DPYSL3: variants seen among roughly 807,000 people sequenced by gnomAD.
DPYSL3 encodes the protein dihydropyrimidinase like 3.
In DPYSL3, 16 loss-of-function variants were observed where a neutral mutation model predicts 66.1. The ratio of observed to expected loss-of-function variants is 0.24; its 90% confidence interval spans 0.16 to 0.37. DPYSL3 has a LOEUF of 0.37. Ranked by LOEUF, DPYSL3 falls within the 10% of genes least tolerant of loss-of-function variation. DPYSL3 has a pLI of 1.00. For synonymous variants in DPYSL3, 338 were observed against 345.1 expected, an observed-to-expected ratio of 0.98 and a Z score of 0.23; for missense variants, 738 against 916.2, an observed-to-expected ratio of 0.81 and a Z score of 2.51.
intron 1 of DPYSL3, among the ~76,000 whole-genome samples, chr5:147,479,936 T>C (rs955941816): frequency 6.6e-6 from 1 of 152,198 alleles, no homozygotes; most frequent in African/African-American, 2.4e-5. Flanking sequence ...GATATAGGTA[T>C]TATCCCCATT....
intron 1 of DPYSL3, among the ~76,000 whole-genome samples, chr5:147,446,327 G>C (rs556794954): frequency 3.2e-4 from 48 of 152,346 alleles, no homozygotes; most frequent in Non-Finnish European, 5.1e-4. Context: ...TCCAGGGTTC[G>C]CTTCCTTATT....
At chr5:147,468,788 A>C (rs1324731684) in intron 1 of DPYSL3, among the ~76,000 whole-genome samples, 1 of 152,102 alleles carries the variant, frequency 6.6e-6, no homozygotes, top group Non-Finnish European at 1.5e-5. Context: ...GGTTTGTTAC[A>C]TATGTATACA....
At chr5:147,481,694 T>C (rs1753246723) in intron 1 of DPYSL3, among the ~76,000 whole-genome samples, 1 of 152,206 alleles carries the variant, frequency 6.6e-6, no homozygotes, top group South Asian at 2.1e-4. Flanking sequence ...ATGGCAATTA[T>C]AAAAGAGCTT....
At position 147,393,670 on chromosome 5, in the gene DPYSL3, G is replaced by T; in HGVS notation, c.*365C>A. ...CACCCACTCACCCCAAATAACCTGC[G>T]TCCCTTTTGTTCATTTCCCTGACGT... On this transcript the variant is annotated 3_prime_UTR_variant, in exon 14 of 14. Transcript: ENST00000343218. 1 of 202,098 alleles carries T rather than the reference G, an allele frequency of 4.9e-6. No individual in the cohort carries two copies. The highest frequency in any genetic ancestry group is 1.0e-5 in the Non-Finnish European group (1 of 97,628). 12.5% of individuals were successfully genotyped at this position (202,098 alleles called of 1,614,324 possible).
intron 1 of DPYSL3, among the ~76,000 whole-genome samples, chr5:147,429,292 T>C (rs1376465493): frequency 1.3e-5 from 2 of 152,082 alleles, no homozygotes; most frequent in Non-Finnish European, 2.9e-5. Flanking sequence ...CCCAGCAGGG[T>C]TCTAGGCATA....
At chr5:147,421,954 G>A (rs1752089573) in intron 2 of DPYSL3, among the ~76,000 whole-genome samples, 1 of 152,132 alleles carries the variant, frequency 6.6e-6, no homozygotes, top group South Asian at 2.1e-4. Context: ...CATGGGCAAA[G>A]ACTTCATGAC....
chr5:147,433,660 T>C (rs1335132397), intron 1 of DPYSL3, among the ~76,000 whole-genome samples: 1 of 152,204 alleles, frequency 6.6e-6, no homozygotes, highest in Non-Finnish European at 1.5e-5. Flanking sequence ...TACATTTATA[T>C]ATCTGTAAAG....
intron 1 of DPYSL3, among the ~76,000 whole-genome samples, chr5:147,484,269 TTA>T (rs1753294058): frequency 6.6e-6 from 1 of 152,202 alleles, no homozygotes; most frequent in African/African-American, 2.4e-5. Context: ...ACCAAATGAT[TTA>T]TGTCTCGCTG....
At chr5:147,410,469 C>T (rs1374654318) in intron 6 of DPYSL3, among the ~76,000 whole-genome samples, 1 of 152,092 alleles carries the variant, frequency 6.6e-6, no homozygotes, top group Non-Finnish European at 1.5e-5. Flanking sequence ...CTGATGCTAC[C>T]TTACATGGGG....
In DPYSL3 at chr5:147,392,481, A is replaced by G. The variant is rs1757839980; in HGVS notation, c.*1554T>C. ...CTCTTCTCTTCAAAGCACTTAGTACACAGGGTTACAGGTGCTACCACTTGG... is the reference window on the plus strand; with the variant it reads ...CTCTTCTCTTCAAAGCACTTAGTACGCAGGGTTACAGGTGCTACCACTTGG... On this transcript the variant is annotated 3_prime_UTR_variant, in exon 14 of 14. Coordinates refer to ENST00000343218, the MANE Select transcript of DPYSL3 (RefSeq NM_001197294.2). 6.6e-6 allele frequency: 1 copy of G among 152,242 alleles called. No homozygotes were observed. Among genetic ancestry groups the G allele is most frequent in the African/African-American group, 2.4e-5 (1 of 41,462 alleles). The allele number at this position is 152,242 out of a possible 1,614,324, so 9.4% of individuals were successfully genotyped here.
chr5:147,398,219 C>G (rs1165409699), intron 11 of DPYSL3, among the ~76,000 whole-genome samples: 1 of 152,126 alleles, frequency 6.6e-6, no homozygotes, highest in Admixed American at 6.6e-5. Context: ...AATTAAATAA[C>G]ATGAGATGAC....
At chr5:147,506,400 AGTCATAGAT>A (rs1289411944) in intron 1 of DPYSL3, among the ~76,000 whole-genome samples, 1 of 152,194 alleles carries the variant, frequency 6.6e-6, no homozygotes, top group Non-Finnish European at 1.5e-5. Flanking sequence ...GACAATAGTA[AGTCATAGAT>A]GCATATGTTC....
intron 7 of DPYSL3, among the ~76,000 whole-genome samples, chr5:147,406,864 A>T (rs981676060): frequency 6.6e-6 from 1 of 152,156 alleles, no homozygotes; most frequent in Non-Finnish European, 1.5e-5. Context: ...CAAACCAGTC[A>T]CTGTCCATTG....
At chr5:147,492,605 G>C (rs140340206) in intron 1 of DPYSL3, among the ~76,000 whole-genome samples, 2 of 151,576 alleles carry the variant, frequency 1.3e-5, no homozygotes, top group Non-Finnish European at 2.9e-5. Flanking sequence ...TTTGAAAGTA[G>C]ACTTGGATTA....
intron 1 of DPYSL3, among the ~76,000 whole-genome samples, chr5:147,446,764 C>A (rs569062708): frequency 6.6e-6 from 1 of 152,334 alleles, no homozygotes; most frequent in South Asian, 2.1e-4. Flanking sequence ...AGACAGCTGG[C>A]AGAAGCAATG....
intron 1 of DPYSL3, among the ~76,000 whole-genome samples, chr5:147,460,690 A>G (rs1752918470): frequency 6.6e-6 from 1 of 152,210 alleles, no homozygotes; most frequent in Non-Finnish European, 1.5e-5. Context: ...AGATGCAGCC[A>G]TGAGCCAAGG....
chr5:147,457,109 T>C (rs1329029143), intron 1 of DPYSL3, among the ~76,000 whole-genome samples: 13 of 152,306 alleles, frequency 8.5e-5, no homozygotes, highest in Admixed American at 8.5e-4. Context: ...ATTATTTTTA[T>C]CAGTGTTAGT....
intron 8 of DPYSL3, among the ~76,000 whole-genome samples, chr5:147,404,043 G>A (rs1758269646): frequency 6.6e-6 from 1 of 152,190 alleles, no homozygotes. Flanking sequence ...TGAGGGCGGT[G>A]GGTGGTCACA....
intron 1 of DPYSL3, among the ~76,000 whole-genome samples, chr5:147,445,716 G>A (rs1376569706): frequency 2.6e-5 from 4 of 152,116 alleles, no homozygotes; most frequent in Admixed American, 6.6e-5. Flanking sequence ...TACAGACTCC[G>A]AGTTGTTTTT....
Sources: gnomAD v4.1 joint callset for allele counts (sites outside exome capture counted in the v4.1 genomes callset) on GRCh38, gnomAD v4.1.1 for gene constraint, MANE v1.5 for transcripts, NCBI Gene and HGNC (gene_info 2026-07-23, HGNC 2026-07-21) for gene names.